The following ADIRF variants were observed in gnomAD, a reference collection of about 807,000 sequenced individuals.
ADIRF encodes the protein adipogenesis factor rich in obesity.
A neutral mutation model predicts 7.8 loss-of-function variants in ADIRF; 9 were observed. The ratio of observed to expected loss-of-function variants is 1.15; its 90% CI spans 0.70 to 2.01. The LOEUF (loss-of-function observed/expected upper bound fraction) is 2.01, where lower values mean the gene tolerates loss of function less well. ADIRF is among the 30% of genes most tolerant of loss of function. The pLI, the probability that ADIRF is intolerant of heterozygous loss-of-function variation, is 0.00. For missense variants in ADIRF, 106 were observed against 98.1 expected (o/e 1.08, Z -0.34); for synonymous variants, 48 against 39.9 (o/e 1.20, Z -0.77).
Position 86,970,551 on chromosome 10 carries a change from G to T in ADIRF, c.200G>T (p.Gly67Val). 1 of 1,613,520 alleles carries T rather than the reference G, an allele frequency of 6.2e-7. No individual in the cohort carries two copies. The highest frequency in any genetic ancestry group is 8.5e-7 in the Non-Finnish European group (1 of 1,179,822). Reference sequence around the variant, plus strand: ...AACCAGGCCTCTGACACCTTCTCTGGGATTGGGAAAAAATTCGGCCTCCTG... The same window carrying T: ...AACCAGGCCTCTGACACCTTCTCTGTGATTGGGAAAAAATTCGGCCTCCTG... ...TANQASDTFS[G>V]IGKKFGLLK The change falls in exon 3 of 3, where the codon GGG (glycine) becomes GTG (valine). Residue 67 changes from glycine (G) to valine (V), a missense_variant. Physicochemically the swap from Gly to Val is moderately radical, Grantham distance 109 (BLOSUM62 -3). Transcript: ENST00000372013.
chr10:86,970,605 C>A lies in ADIRF; in HGVS notation c.*23C>A. On this transcript the variant is annotated 3_prime_UTR_variant, in exon 3 of 3. Coordinates refer to ENST00000372013, the MANE Select transcript of ADIRF (RefSeq NM_006829.3). ...TGACAGCAGGGAGACTTGGGTCGGCCTCCTGAAATGACAGCAGGGAGACTT... is the reference window on the plus strand; with the variant it reads ...TGACAGCAGGGAGACTTGGGTCGGCATCCTGAAATGACAGCAGGGAGACTT... 6.3e-7 allele frequency: 1 copy of A among 1,579,784 alleles called. No homozygotes were observed. The highest frequency in any genetic ancestry group is 1.1e-5 in the South Asian group (1 of 87,894).
rs775891208 is a variant in ADIRF at position 86,968,775 on chromosome 10, G to C, written c.61+170G>C. 79 of 680,226 alleles carry C rather than the reference G, an allele frequency of 1.2e-4. 1 individual carries two copies. Among genetic ancestry groups the C allele is most frequent in the Admixed American group, 3.3e-5 (1 of 30,454 alleles). The allele number at this position is 680,226 out of a possible 1,614,324, so 42.1% of individuals were successfully genotyped here. A position where few individuals can be genotyped will look rare whatever the true frequency, so the allele number is the denominator to read the frequency against. On this transcript the variant is annotated intron_variant, in intron 1 of 2. Transcript: ENST00000372013. ...GGCAGAACGCCCACCCCGGCGAGCA[G>C]ACAGATGGTGCCCGCAGGGAGGCAG...
In ADIRF at chr10:86,968,581, G is replaced by A. The variant is rs1254436129; in HGVS notation, c.37G>A (p.Val13Met). The change falls in exon 1 of 3, where the codon GTG becomes ATG. Residue 13 changes from valine to methionine, a missense_variant. Val to Met is a conservative substitution (Grantham distance 21). Coordinates refer to ENST00000372013, the MANE Select transcript of ADIRF (RefSeq NM_006829.3). ...SKGLQDLKQQ[V>M]EGTAQEAVSA... ...GGGCTTGCAGGACCTGAAGCAACAG[G>A]TGGAGGGGACCGCCCAGGAAGCCGG... 1 of 1,613,450 alleles carries A rather than the reference G, an allele frequency of 6.2e-7. No individual in the cohort carries two copies. Among genetic ancestry groups the A allele is most frequent in the South Asian group, 1.1e-5 (1 of 91,010 alleles).
At position 86,970,302 on chromosome 10, in the gene ADIRF, C is replaced by T. The variant is rs1844563033; in HGVS notation, c.124+40C>T. 6 of 1,495,054 alleles carry T rather than the reference C, an allele frequency of 4.0e-6. No homozygotes were observed. In the African/African-American group the frequency reaches 4.2e-5, roughly 10 times the overall value. The allele number at this position is 1,495,054 out of a possible 1,614,324, so 92.6% of individuals were successfully genotyped here. ...GAGGGAGGCGGGCAACCCCAGCACACCTCCCACTCCCCGCCCCATCCCGGC... is the reference window on the plus strand; with the variant it reads ...GAGGGAGGCGGGCAACCCCAGCACATCTCCCACTCCCCGCCCCATCCCGGC... On this transcript the variant is annotated intron_variant, in intron 2 of 2. Transcript: ENST00000372013.
chr10:86,970,390 C>A (rs1177768676), intron 2 of ADIRF, 86 bp from the exon 3 acceptor site: 1 of 1,509,816 alleles, frequency 6.6e-7, no homozygotes, highest in Admixed American at 1.9e-5. Flanking sequence ...AAGCAGGTCC[C>A]CCGGGAGACC....
rs1281722379 is a variant in ADIRF at position 86,970,044 on chromosome 10, T to TG, written c.62-150dup. 12 of 593,646 alleles carry TG rather than the reference T, an allele frequency of 2.0e-5. No homozygotes were observed. The Admixed American group carries it at 3.6e-4, about 18-fold the overall frequency. The allele number at this position is 593,646 out of a possible 1,614,324, so 36.8% of individuals were successfully genotyped here. A position where few individuals can be genotyped will look rare whatever the true frequency, so the allele number is the denominator to read the frequency against. ...TGGAAAGGTCTCCTGCCCCTCGGGC[T>TG]GGGGGGCCCTGGGCCAGGGACTTTA... On this transcript the variant is annotated intron_variant, in intron 1 of 2. Coordinates refer to ENST00000372013, the MANE Select transcript of ADIRF (RefSeq NM_006829.3).
intron 1 of ADIRF, 27 bp from the exon 2 acceptor site, chr10:86,970,173 G>A (rs1340423856): frequency 4.2e-6 from 6 of 1,435,090 alleles, no homozygotes; most frequent in South Asian, 1.6e-5. Flanking sequence ...CTCAACAGGG[G>A]CTAAAAGCCA....
chr10:86,969,600 C>T lies in ADIRF; in HGVS notation c.62-600C>T, dbSNP rs11202279. 579 of 152,410 alleles carry T rather than the reference C, an allele frequency of 3.8e-3. 10 individuals carry two copies. The South Asian group carries it at 0.039, about 10-fold the overall frequency. 9.4% of individuals were successfully genotyped at this position (152,410 alleles called of 1,614,324 possible). On this transcript the variant is annotated intron_variant, in intron 1 of 2. Transcript: ENST00000372013. ...TTCCCAGCAGGCCGAAACTCTGGTCCAGAGGAGATAGTCCGGCCTTGGAAG... is the reference window on the plus strand; with the variant it reads ...TTCCCAGCAGGCCGAAACTCTGGTCTAGAGGAGATAGTCCGGCCTTGGAAG...
chr10:86,970,800 T>C lies in ADIRF; in HGVS notation c.*218T>C, dbSNP rs1844588237. 12 of 623,316 alleles carry C rather than the reference T, an allele frequency of 1.9e-5. No homozygotes were observed. Among genetic ancestry groups the C allele is most frequent in the Non-Finnish European group, 2.7e-5 (9 of 334,978 alleles). 38.6% of individuals were successfully genotyped at this position (623,316 alleles called of 1,614,324 possible). On this transcript the variant is annotated 3_prime_UTR_variant, in exon 3 of 3. Transcript: ENST00000372013. The stretch of plus-strand genomic sequence containing the variant: ...TCTCATCCCAAGAGCAGAGCCACCG[T>C]AGCCGGAGTCCTAGCCTCCCAAATT...
rs1844582562 is a variant in ADIRF, at chr10:86,970,679, C to CCGGGCAGCCACCACCTCCT, written c.*101_*119dup. 9.5e-7 allele frequency: 1 copy of CCGGGCAGCCACCACCTCCT among 1,055,780 alleles called. No individual in the cohort carries two copies. Among genetic ancestry groups the CCGGGCAGCCACCACCTCCT allele is most frequent in the Non-Finnish European group, 1.4e-6 (1 of 695,288 alleles). 65.4% of individuals were successfully genotyped at this position (1,055,780 alleles called of 1,614,324 possible). ...ATCTAGCACAGCCTGGCCCTGATCTCCGGGCAGCCACCACCTCCTCGGTCT... is the reference window on the plus strand; with the variant it reads ...ATCTAGCACAGCCTGGCCCTGATCTCCGGGCAGCCACCACCTCCTCGGGCAGCCACCACCTCCTCGGTCT... On this transcript the variant is annotated 3_prime_UTR_variant, in exon 3 of 3. Coordinates refer to ENST00000372013, the MANE Select transcript of ADIRF (RefSeq NM_006829.3).
At chr10:86,970,099 A>G (rs756068185) in intron 1 of ADIRF, 101 bp from the exon 2 acceptor site, 1 of 1,169,198 alleles carries the variant, frequency 8.6e-7, no homozygotes, top group African/African-American at 1.5e-5. Context: ...TTGGACCTGT[A>G]CCACCGAATA....
At chr10:86,968,773 C>G in intron 1 of ADIRF, 168 bp downstream of exon 1, 1 of 701,104 alleles carries the variant, frequency 1.4e-6, no homozygotes, top group African/African-American at 1.9e-5. Flanking sequence ...CCCCGGCGAG[C>G]AGACAGATGG....
rs111951045 is a variant in ADIRF at position 86,970,514 on chromosome 10, G to A, written c.163G>A (p.Asp55Asn). ...QLAKTTQETI[D>N]KTANQASDTF... The stretch of plus-strand genomic sequence containing the variant: ...GGCCAAGACCACCCAGGAAACCATC[G>A]ACAAGACTGCTAACCAGGCCTCTGA... The change falls in exon 3 of 3, where the codon GAC (aspartate) becomes AAC (asparagine). Residue 55 changes from aspartate to asparagine, a missense_variant. By Grantham distance (23) the Asp-to-Asn change is conservative (BLOSUM62 1). Coordinates refer to ENST00000372013, the MANE Select transcript of ADIRF (RefSeq NM_006829.3). 2.4e-4 allele frequency: 380 copies of A among 1,613,564 alleles called. No homozygotes were observed. The highest frequency in any genetic ancestry group is 3.2e-4 in the Non-Finnish European group (374 of 1,179,890).
At position 86,970,610 on chromosome 10, in the gene ADIRF, G is replaced by C. The variant is rs1036428663; in HGVS notation, c.*28G>C. 1.9e-6 allele frequency: 3 copies of C among 1,568,322 alleles called. No individual in the cohort carries two copies. The African/African-American group carries it at 4.0e-5, about 21-fold the overall frequency. On this transcript the variant is annotated 3_prime_UTR_variant, in exon 3 of 3. Transcript: ENST00000372013. ...GCAGGGAGACTTGGGTCGGCCTCCT[G>C]AAATGACAGCAGGGAGACTTGGGTG...
chr10:86,970,039 C>G (rs1265560522), intron 1 of ADIRF, 161 bp from the exon 2 acceptor site: 2 of 555,596 alleles, frequency 3.6e-6, no homozygotes, highest in South Asian at 1.7e-4. Flanking sequence ...TCCTGCCCCT[C>G]GGGCTGGGGG....
intron 1 of ADIRF, 191 bp downstream of exon 1, chr10:86,968,796 G>A (rs1465529409): frequency 1.6e-6 from 1 of 608,678 alleles, no homozygotes; most frequent in Non-Finnish European, 2.7e-6. Context: ...CCCGCAGGGA[G>A]GCAGCGGAAC....
Position 86,969,977 on chromosome 10 carries a change from A to C in ADIRF, c.62-223A>C. ...AAGGGAAGCTCCTCCCCCACAGAGA[A>C]GGAGCTCAGAGTTAGAAATAAACAA... is the stretch of plus-strand genomic sequence containing the variant. On this transcript the variant is annotated intron_variant, in intron 1 of 2. Coordinates refer to ENST00000372013, the MANE Select transcript of ADIRF (RefSeq NM_006829.3). The C allele has an allele frequency of 1.1e-5, 4 of 351,126 alleles. No homozygotes were observed. The East Asian group carries it at 1.3e-4, about 11-fold the overall frequency. The allele number at this position is 351,126 out of a possible 1,614,324, so 21.8% of individuals were successfully genotyped here. A position where few individuals can be genotyped will look rare whatever the true frequency, so the allele number is the denominator to read the frequency against.
chr10:86,968,677 G>C lies in ADIRF; in HGVS notation c.61+72G>C, dbSNP rs867762842. The C allele has an allele frequency of 4.6e-6, 7 of 1,537,790 alleles. No homozygotes were observed. The Middle Eastern group carries it at 1.0e-3, about 225-fold the overall frequency. On this transcript the variant is annotated intron_variant, in intron 1 of 2. Coordinates refer to ENST00000372013, the MANE Select transcript of ADIRF (RefSeq NM_006829.3). ...GATGCGCAGGCAGAAGCAGCGGGTC[G>C]GCGCGGTCCGCAAGTTCCTGGACCG...
rs1844582736 is a variant in ADIRF at position 86,970,682 on chromosome 10, G to C, written c.*100G>C. 9.9e-7 allele frequency: 1 copy of C among 1,011,492 alleles called. No homozygotes were observed. The allele number at this position is 1,011,492 out of a possible 1,614,324, so 62.7% of individuals were successfully genotyped here. On this transcript the variant is annotated 3_prime_UTR_variant, in exon 3 of 3. Transcript: ENST00000372013. ...TAGCACAGCCTGGCCCTGATCTCCG[G>C]GCAGCCACCACCTCCTCGGTCTGCC...
Sources: allele counts gnomAD v4.1 joint callset, GRCh38; gene constraint gnomAD v4.1.1; transcripts MANE v1.5; gene names NCBI Gene and HGNC (gene_info 2026-07-23, HGNC 2026-07-21).